Variants in TMEM168 observed in about 807,000 individuals in gnomAD.
The protein encoded by TMEM168 is transmembrane protein 168.
In TMEM168, 40 loss-of-function variants were observed where a neutral mutation model predicts 53.2. The observed-to-expected ratio is 0.75, with a 90% CI of 0.58 to 0.98. TMEM168 has a LOEUF of 0.98. TMEM168 is among the 50% of genes least tolerant of loss of function. The pLI is 0.00. For missense variants in TMEM168, 771 were observed against 828.8 expected (o/e 0.93, Z 0.86); for synonymous variants, 282 against 293.0 (o/e 0.96, Z 0.38).
At chr7:112,777,886 CTGTGTGTGTGTGTGTGTGTG>C (rs71155068) in intron 2 of TMEM168, among the ~76,000 whole-genome samples, 16,724 of 126,106 alleles carry the variant, frequency 0.13, 1,300 homozygotes, top group Middle Eastern at 0.33. Context: ...GCTCTTGGTG[CTGTGTGTGTGTGTGTGTGTG>C]TGTGTGTGTG....
intron 2 of TMEM168, chr7:112,778,428 T>C (rs1049432237): frequency 5.9e-5 from 9 of 152,256 alleles, no homozygotes; most frequent in African/African-American, 2.2e-4. Flanking sequence ...TTGAGGTTTG[T>C]AGTAATTTTA....
rs1793286766 is a variant in TMEM168 at position 112,783,566 on chromosome 7, A to G, written c.1128+132T>C. ...GAAACACATTCAGTGCTTCAATTCCATGAACAAAATTAAGAGCAAACATGA... is the reference window on the plus strand; with the variant it reads ...GAAACACATTCAGTGCTTCAATTCCGTGAACAAAATTAAGAGCAAACATGA... On this transcript the variant is annotated intron_variant, in intron 2 of 4. Transcript: ENST00000312814. 4 of 972,202 alleles carry G rather than the reference A, an allele frequency of 4.1e-6. No homozygotes were observed. In the Admixed American group the frequency reaches 9.5e-5, roughly 23 times the overall value. The allele number at this position is 972,202 out of a possible 1,614,324, so 60.2% of individuals were successfully genotyped here. A position where few individuals can be genotyped will look rare whatever the true frequency, so the allele number is the denominator to read the frequency against.
At chr7:112,788,661 T>C (rs765598279) in intron 1 of TMEM168, 1 of 152,178 alleles carries the variant, frequency 6.6e-6, no homozygotes, top group East Asian at 1.9e-4. Context: ...GAGGAGTCAA[T>C]ATGCATATGG....
At chr7:112,770,570 G>GCC (rs1792903973) in intron 4 of TMEM168, among the ~76,000 whole-genome samples, 2 of 151,572 alleles carry the variant, frequency 1.3e-5, no homozygotes, top group African/African-American at 4.9e-5. Context: ...ATTCCTAACA[G>GCC]TGAATGAAAA....
In TMEM168 at chr7:112,783,854, A is replaced by C; in HGVS notation, c.972T>G (p.Asn324Lys). 1 of 1,605,472 alleles carries C rather than the reference A, an allele frequency of 6.2e-7. No individual in the cohort carries two copies. The highest frequency in any genetic ancestry group is 1.1e-5 in the South Asian group (1 of 87,966). ...GAGTAAAATATACTTTATGGCAGTCATTTAATTTGGTATGGAATCCCCAAA... is the reference window on the plus strand; with the variant it reads ...GAGTAAAATATACTTTATGGCAGTCCTTTAATTTGGTATGGAATCCCCAAA... Reference protein sequence around the residue: ...LTLWGFHTKLNDCHKVYFTHR... With the variant: ...LTLWGFHTKLKDCHKVYFTHR... The change falls in exon 2 of 5, where the codon AAT (asparagine) becomes AAG (lysine). Residue 324 changes from asparagine (N) to lysine (K), a missense_variant. By Grantham distance (94) the Asn-to-Lys change is moderately conservative. Transcript: ENST00000312814.
At chr7:112,781,521 C>T (rs1356250310) in intron 2 of TMEM168, among the ~76,000 whole-genome samples, 1 of 152,096 alleles carries the variant, frequency 6.6e-6, no homozygotes, top group Non-Finnish European at 1.5e-5. Flanking sequence ...TAGAAAACAT[C>T]TCACCAGATG....
Position 112,789,700 on chromosome 7 carries a change from G to C in TMEM168, c.-129+460C>G, listed in dbSNP as rs149694147. Among the ~76,000 whole-genome samples the C allele has an allele frequency of 2.7e-4, 41 of 152,318 alleles. No homozygotes were observed. The Middle Eastern group carries it at 0.01, about 38-fold the overall frequency. On this transcript the variant is annotated intron_variant, in intron 1 of 4. Transcript: ENST00000312814. ...CTCAGAAACTCTGTCCCATCTAGAA[G>C]TGTCAAGGCTGAAAGAACTACACTG... is the stretch of plus-strand genomic sequence containing the variant.
At chr7:112,773,153 T>C (rs1482882607) in intron 3 of TMEM168, 98 bp from the exon 4 acceptor site, 1 of 1,291,018 alleles carries the variant, frequency 7.7e-7, no homozygotes, top group Non-Finnish European at 1.0e-6. Context: ...ATATAGTTGC[T>C]GCTAAGTGGC....
At chr7:112,785,079 T>C (rs1371703001) in intron 1 of TMEM168, 126 bp from the exon 2 acceptor site, 1 of 300,508 alleles carries the variant, frequency 3.3e-6, no homozygotes, top group African/African-American at 2.2e-5. Flanking sequence ...CAACCTGATT[T>C]GCAATATCTT....
In TMEM168 at chr7:112,784,751, T is replaced by A. The variant is rs763076406; in HGVS notation, c.75A>T (p.Arg25Ser). The change falls in exon 2 of 5, where the codon AGA (arginine) becomes AGT (serine). Residue 25 changes from arginine (R) to serine (S), a missense_variant. Physicochemically the swap from Arg to Ser is moderately radical, Grantham distance 110. Coordinates refer to ENST00000312814, the MANE Select transcript of TMEM168 (RefSeq NM_022484.6). Reference sequence around the variant, plus strand: ...GCACTGAAGAATGCATGTTCACTTCTCTATTTACTTCTTCCAGTCTTGTCA... The same window carrying A: ...GCACTGAAGAATGCATGTTCACTTCACTATTTACTTCTTCCAGTCTTGTCA... Reference protein sequence around the residue: ...LAMTRLEEVNREVNMHSSVRY... With the variant: ...LAMTRLEEVNSEVNMHSSVRY... 6.2e-7 allele frequency: 1 copy of A among 1,611,834 alleles called. No homozygotes were observed. Among genetic ancestry groups the A allele is most frequent in the Non-Finnish European group, 8.5e-7 (1 of 1,179,492 alleles).
chr7:112,778,126 G>C (rs754796314), intron 2 of TMEM168: 1 of 152,156 alleles, frequency 6.6e-6, no homozygotes, highest in Non-Finnish European at 1.5e-5. Flanking sequence ...CCACCAACAG[G>C]ACACAAGGGC....
rs535323845 is a variant in TMEM168, at chr7:112,764,184, GTTTT to G, written c.*3009_*3012del. 6.7e-5 allele frequency: 10 copies of G among 149,932 alleles called. No homozygotes were observed. The Middle Eastern group carries it at 0.014, about 208-fold the overall frequency. 9.3% of individuals were successfully genotyped at this position (149,932 alleles called of 1,614,324 possible). ...TAAAAAAAGAAAATAAATTCATACT[GTTTT>G]TTTTATTCTATTGAAAAAAAAGATG... On this transcript the variant is annotated 3_prime_UTR_variant, in exon 5 of 5. Coordinates refer to ENST00000312814, the MANE Select transcript of TMEM168 (RefSeq NM_022484.6).
At chr7:112,785,037 AAAATCCAGTTTAAAAACTG>A (rs1490226457) in intron 1 of TMEM168, 84 bp from the exon 2 acceptor site, 3 of 386,718 alleles carry the variant, frequency 7.8e-6, no homozygotes, top group East Asian at 4.4e-5. Context: ...AGAAAGTGAA[AAAATCCAGTTTAAAAACTG>A]AAATCCAGTT....
At chr7:112,771,553 G>C (rs1792930456) in intron 4 of TMEM168, among the ~76,000 whole-genome samples, 1 of 152,096 alleles carries the variant, frequency 6.6e-6, no homozygotes, top group Admixed American at 6.5e-5. Flanking sequence ...CTTTCTACTA[G>C]AAGGCCACTG....
Position 112,765,334 on chromosome 7 carries a change from C to G in TMEM168, c.*1863G>C, listed in dbSNP as rs1160846108. 6.6e-6 allele frequency: 1 copy of G among 152,106 alleles called. No individual in the cohort carries two copies. Among genetic ancestry groups the G allele is most frequent in the African/African-American group, 2.4e-5 (1 of 41,420 alleles). 9.4% of individuals were successfully genotyped at this position (152,106 alleles called of 1,614,324 possible). ...GTTAGGTTTGTGGCTGTCAAACTGTCAGCTGTTTTTAAAATGTAATTTTTA... is the reference window on the plus strand; with the variant it reads ...GTTAGGTTTGTGGCTGTCAAACTGTGAGCTGTTTTTAAAATGTAATTTTTA... On this transcript the variant is annotated 3_prime_UTR_variant, in exon 5 of 5. Transcript: ENST00000312814.
At chr7:112,783,601 T>A in intron 2 of TMEM168, 97 bp downstream of exon 2, 1 of 1,216,130 alleles carries the variant, frequency 8.2e-7, no homozygotes, top group East Asian at 2.7e-5. Flanking sequence ...AATATCCTTT[T>A]GAAATCAGGA....
At chr7:112,779,127 G>A (rs889113900) in intron 2 of TMEM168, among the ~76,000 whole-genome samples, 1 of 152,050 alleles carries the variant, frequency 6.6e-6, no homozygotes, top group African/African-American at 2.4e-5. Context: ...CTGGGTTCAA[G>A]CAATCCTCCT....
At chr7:112,778,682 A>C (rs551268220) in intron 2 of TMEM168, 1 of 152,318 alleles carries the variant, frequency 6.6e-6, no homozygotes, top group South Asian at 2.1e-4. Flanking sequence ...AGATGACTTA[A>C]ATGAAAAGCC....
intron 1 of TMEM168, among the ~76,000 whole-genome samples, chr7:112,787,727 T>C: frequency 1.2e-5 from 1 of 81,668 alleles, no homozygotes; most frequent in African/African-American, 5.0e-5. Flanking sequence ...TTTTTTTTTT[T>C]TTTTTTTTTT....
Sources: gnomAD v4.1 joint callset for allele counts (sites outside exome capture counted in the v4.1 genomes callset) on GRCh38, gnomAD v4.1.1 for gene constraint, MANE v1.5 for transcripts, NCBI Gene and HGNC (gene_info 2026-07-23, HGNC 2026-07-21) for gene names.